HPGD: variants seen among roughly 807,000 people sequenced by gnomAD.
HPGD encodes the protein 15-hydroxyprostaglandin dehydrogenase, also known as 15-hydroxyprostaglandin dehydrogenase [NAD(+)].
In HPGD, 29 loss-of-function variants were observed where a neutral mutation model predicts 30.0. The observed-to-expected ratio is 0.97, with a 90% CI of 0.72 to 1.32. The LOEUF (loss-of-function observed/expected upper bound fraction) is 1.32, where lower values mean the gene tolerates loss of function less well. Ranked by LOEUF, HPGD falls within the 40% of genes most tolerant of loss-of-function variation. The pLI is 0.00. For missense variants in HPGD, 340 were observed against 322.1 expected, an observed-to-expected ratio of 1.06 and a Z score of -0.43; for synonymous variants, 99 against 112.4, an observed-to-expected ratio of 0.88 and a Z score of 0.75.
intron 2 of HPGD, among the ~76,000 whole-genome samples, chr4:174,518,667 G>A (rs558217066): frequency 1.3e-5 from 2 of 152,122 alleles, no homozygotes; most frequent in African/African-American, 4.8e-5. Flanking sequence ...CTGAAACTTC[G>A]ATGTTTACTA....
intron 5 of HPGD, among the ~76,000 whole-genome samples, chr4:174,493,931 G>A (rs148080461): frequency 7.0e-4 from 106 of 152,288 alleles, no homozygotes; most frequent in African/African-American, 2.3e-3. Context: ...AATACTTGTG[G>A]AGCATTTGTA....
chr4:174,510,844 T>C (rs1368889725), intron 3 of HPGD, among the ~76,000 whole-genome samples: 1 of 152,222 alleles, frequency 6.6e-6, no homozygotes, highest in Non-Finnish European at 1.5e-5. Flanking sequence ...TTTCACCATG[T>C]TGGCCAGGCT....
At chr4:174,508,827 G>A (rs1735323264) in intron 3 of HPGD, 35 bp from the exon 4 acceptor site, 1 of 1,099,218 alleles carries the variant, frequency 9.1e-7, no homozygotes, top group Admixed American at 1.7e-5. Context: ...AAGGAATACA[G>A]TCATTATCCT....
chr4:174,495,475 C>T (rs1734548400), intron 5 of HPGD, 73 bp downstream of exon 5: 3 of 1,121,990 alleles, frequency 2.7e-6, no homozygotes, highest in South Asian at 2.5e-5. Context: ...TCAAGTGATT[C>T]CTCTCTACAG....
chr4:174,495,750 A>G (rs184991086), intron 4 of HPGD, 126 bp from the exon 5 acceptor site: 20 of 738,322 alleles, frequency 2.7e-5, no homozygotes, highest in African/African-American at 2.6e-4. Context: ...ATAACACAGT[A>G]ACATAAAACC....
At position 174,492,052 on chromosome 4, in the gene HPGD, A is replaced by G. The variant is rs1553997724; in HGVS notation, c.705T>C (p.Asp235=). 6.2e-7 allele frequency: 1 copy of G among 1,609,808 alleles called. No individual in the cohort carries two copies. The highest frequency in any genetic ancestry group is 8.5e-7 in the Non-Finnish European group (1 of 1,176,422). Residue 235 remains aspartate (D), a synonymous_variant, in exon 7 of 7, where the codon GAT becomes GAC. Transcript: ENST00000296522. This position sits in a 1 kb window ranked among gnomAD's most constrained non-coding sequence, Gnocchi z 4.9. The stretch of plus-strand genomic sequence containing the variant: ...TCATAATAGCACCATTTAAAGCATC[A>G]TCTTCAATGAGTGTTATCAATCCAT... ...IANGLITLIE[D]DALNGAIMKI...
chr4:174,522,031 G>A lies in HPGD; in HGVS notation c.130C>T (p.Gln44Ter). 6.2e-7 allele frequency: 1 copy of A among 1,614,152 alleles called. No homozygotes were observed. Among genetic ancestry groups the A allele is most frequent in the Non-Finnish European group, 8.5e-7 (1 of 1,179,984 alleles). Residue 44 changes from glutamine to a stop codon, truncating the protein, a stop_gained, in exon 2 of 7, where the codon CAG becomes TAG. Transcript: ENST00000296522. LOFTEE classifies it high-confidence loss of function. ...LVDWNLEAGVQCKAALDEQFE... is the reference protein window; with the variant it reads ...LVDWNLEAGV ...TGCTCATCCAGGGCAGCTTTACACTGTACACCTGCTTCAAGATTCCAATCC... is the reference window on the plus strand; with the variant it reads ...TGCTCATCCAGGGCAGCTTTACACTATACACCTGCTTCAAGATTCCAATCC...
At chr4:174,497,126 TTA>T (rs1734636790) in intron 4 of HPGD, among the ~76,000 whole-genome samples, 1 of 152,176 alleles carries the variant, frequency 6.6e-6, no homozygotes, top group South Asian at 2.1e-4. Flanking sequence ...CCTTAAATGT[TTA>T]TGAGACAAAG....
intron 4 of HPGD, among the ~76,000 whole-genome samples, chr4:174,503,087 A>G (rs1362695871): frequency 1.3e-5 from 2 of 152,162 alleles, no homozygotes; most frequent in African/African-American, 2.4e-5. Context: ...CGAATCTCTC[A>G]TCTATCCTTC....
intron 4 of HPGD, among the ~76,000 whole-genome samples, chr4:174,500,310 C>T (rs941388272): frequency 2.6e-5 from 4 of 152,120 alleles, no homozygotes; most frequent in African/African-American, 4.8e-5. Flanking sequence ...ATTGCTGGTG[C>T]GAATGCAAAA....
chr4:174,518,078 C>A lies in HPGD; in HGVS notation c.218-1G>T, dbSNP rs1166031576. ...TGGTCTACAACTTTTCTAAAAGTGT[C>A]TAATTATAAAACAAGATATTAGTGA... On this transcript the variant is annotated splice_acceptor_variant, in intron 2 of 6. Coordinates refer to ENST00000296522, the MANE Select transcript of HPGD (RefSeq NM_000860.6). LOFTEE classifies it high-confidence loss of function. 4.8e-6 allele frequency: 7 copies of A among 1,446,442 alleles called. No individual in the cohort carries two copies. In the East Asian group the frequency reaches 1.4e-4, roughly 28 times the overall value. The allele number at this position is 1,446,442 out of a possible 1,614,324, so 89.6% of individuals were successfully genotyped here.
In HPGD at chr4:174,491,987, T is replaced by A; in HGVS notation, c.770A>T (p.Asp257Val). ...TSKGIHFQDY[D>V]TTPFQAKTQ ...GGTTTTTGCTTGAAATGGAGTTGTA[T>A]CATAGTCTTGAAAATGAATTCCCTT... Residue 257 changes from aspartate (D) to valine (V), a missense_variant, in exon 7 of 7, where the codon GAT becomes GTT. Asp to Val is a radical substitution (Grantham distance 152). Coordinates refer to ENST00000296522, the MANE Select transcript of HPGD (RefSeq NM_000860.6). The A allele has an allele frequency of 1.3e-5, 21 of 1,612,182 alleles. No individual in the cohort carries two copies. Among genetic ancestry groups the A allele is most frequent in the Non-Finnish European group, 1.7e-5 (20 of 1,178,566 alleles).
At chr4:174,522,566 G>T, upstream of HPGD, 1 of 673,464 alleles carries the variant, frequency 1.5e-6, no homozygotes, top group Non-Finnish European at 2.3e-6. Flanking sequence ...TCCCCTGCCA[G>T]TGGGCGGGGA....
In HPGD at chr4:174,496,884, A is replaced by G. The variant is rs2110783022; in HGVS notation, c.422-1260T>C. The stretch of plus-strand genomic sequence containing the variant: ...TCCCTGAGGATGGTAGATCACACCT[A>G]GTGTGTCCACCCAATGATTTCAAAG... On this transcript the variant is annotated intron_variant, in intron 4 of 6. Transcript: ENST00000296522. This position sits in a 1 kb window ranked among gnomAD's most constrained non-coding sequence, Gnocchi z 4.6. Among the ~76,000 whole-genome samples the G allele has an allele frequency of 6.6e-6, 1 of 152,330 alleles. No individual in the cohort carries two copies. The highest frequency in any genetic ancestry group is 2.4e-5 in the African/African-American group (1 of 41,574).
chr4:174,495,131 C>G (rs1002525397), intron 5 of HPGD, among the ~76,000 whole-genome samples: 2 of 152,196 alleles, frequency 1.3e-5, no homozygotes, highest in Non-Finnish European at 2.9e-5. Context: ...ACCACTCTAT[C>G]AAGTAAATGC....
chr4:174,497,220 G>A (rs938039026), intron 4 of HPGD, among the ~76,000 whole-genome samples: 15 of 152,128 alleles, frequency 9.9e-5, no homozygotes, highest in Non-Finnish European at 1.2e-4. Flanking sequence ...TCACACAGCC[G>A]CAAGAACTAC....
chr4:174,500,265 C>T (rs1451067121), intron 4 of HPGD, among the ~76,000 whole-genome samples: 1 of 152,212 alleles, frequency 6.6e-6, no homozygotes, highest in Non-Finnish European at 1.5e-5. Context: ...ACACCAAATA[C>T]TGATGAATAT....
At chr4:174,509,578 G>A (rs1474081954) in intron 3 of HPGD, among the ~76,000 whole-genome samples, 1 of 152,142 alleles carries the variant, frequency 6.6e-6, no homozygotes, top group Non-Finnish European at 1.5e-5. Context: ...TTATATGAAT[G>A]TCGTAACTTA....
intron 3 of HPGD, among the ~76,000 whole-genome samples, chr4:174,513,297 G>A (rs564926950): frequency 6.6e-6 from 1 of 152,266 alleles, no homozygotes; most frequent in South Asian, 2.1e-4. Context: ...GTCATTTAAT[G>A]TGGTTTTGGA....
Sources: gnomAD v4.1 joint callset for allele counts (sites outside exome capture counted in the v4.1 genomes callset) on GRCh38, gnomAD v4.1.1 for gene constraint, Gnocchi (gnomAD v3.1) non-coding constraint, MANE v1.5 for transcripts, NCBI Gene and HGNC (gene_info 2026-07-23, HGNC 2026-07-21) for gene names.